Variants in NCF2 observed in about 807,000 individuals in gnomAD.
NCF2 encodes the protein neutrophil cytosolic factor 2.
In NCF2, 45 loss-of-function variants were observed where a neutral mutation model predicts 70.9. The ratio of observed to expected loss-of-function variants is 0.63; its 90% CI spans 0.50 to 0.81. The LOEUF is 0.81. NCF2 is among the 40% of genes least tolerant of loss of function. The pLI is 0.00. For missense variants in NCF2, 522 were observed against 631.6 expected, an observed-to-expected ratio of 0.83 and a Z score of 1.86; for synonymous variants, 203 against 233.6, an observed-to-expected ratio of 0.87 and a Z score of 1.19.
chr1:183,592,186 A>C (rs1673683708), upstream of NCF2, among the ~76,000 whole-genome samples: 1 of 152,232 alleles, frequency 6.6e-6, no homozygotes, highest in African/African-American at 2.4e-5. Flanking sequence ...TAAAAGCCTG[A>C]AAATAAAACT....
chr1:183,560,295 T>C (rs756096640), intron 13 of NCF2, 22 bp from the exon 14 acceptor site: 1 of 1,614,048 alleles, frequency 6.2e-7, no homozygotes, highest in South Asian at 1.1e-5. Flanking sequence ...AAGGGCCTGT[T>C]AATTTTCCCA....
At chr1:183,568,778 C>T (rs1300781002) in intron 7 of NCF2, among the ~76,000 whole-genome samples, 1 of 151,656 alleles carries the variant, frequency 6.6e-6, no homozygotes, top group Non-Finnish European at 1.5e-5. Flanking sequence ...TCCTGGTCCC[C>T]AGGGTAGCTA....
In NCF2 at chr1:183,576,462, G is replaced by A. The variant is rs1572165546; in HGVS notation, c.366+1137C>T. Among the ~76,000 whole-genome samples the A allele has an allele frequency of 2.6e-5, 4 of 152,354 alleles. No homozygotes were observed. The East Asian group carries it at 7.7e-4, about 29-fold the overall frequency. ...TTTAGGTTGTCACATTGGGTGGGGA[G>A]TGGTGGTGGCAGTGCTAGTAGCATC... On this transcript the variant is annotated intron_variant, in intron 3 of 14. Coordinates refer to ENST00000367535, the MANE Select transcript of NCF2 (RefSeq NM_000433.4).
intron 6 of NCF2, among the ~76,000 whole-genome samples, chr1:183,570,393 C>T (rs555195940): frequency 6.6e-6 from 1 of 152,330 alleles, no homozygotes; most frequent in South Asian, 2.1e-4. Context: ...AGGCCCAGGC[C>T]CCACAGGGTT....
At chr1:183,559,037 A>G (rs1347998235) in intron 14 of NCF2, among the ~76,000 whole-genome samples, 1 of 152,194 alleles carries the variant, frequency 6.6e-6, no homozygotes, top group Non-Finnish European at 1.5e-5. Flanking sequence ...GCAAACCACG[A>G]GTTGGAATGG....
intron 2 of NCF2, among the ~76,000 whole-genome samples, chr1:183,581,729 C>T (rs1007534794): frequency 4.6e-5 from 7 of 151,544 alleles, no homozygotes; most frequent in Non-Finnish European, 2.9e-5. Flanking sequence ...AGTGCAGTGG[C>T]GCGATCTCGG....
the NCF2 span, among the ~76,000 whole-genome samples, chr1:183,601,064 AC>A: frequency 2.0e-5 from 3 of 152,262 alleles, no homozygotes; most frequent in Non-Finnish European, 4.4e-5. Context: ...ATTAACAAAT[AC>A]AAAAAATTTT....
Position 183,569,227 on chromosome 1 carries a change from A to G in NCF2, c.670-42T>C, listed in dbSNP as rs774457345. Reference sequence around the variant, plus strand: ...AGAAGTGAAAACGGAAAAGGCAATGAGGGAAAGCAGGGGAGAGACAACAAA... The same window carrying G: ...AGAAGTGAAAACGGAAAAGGCAATGGGGGAAAGCAGGGGAGAGACAACAAA... On this transcript the variant is annotated intron_variant, in intron 6 of 14. Coordinates refer to ENST00000367535, the MANE Select transcript of NCF2 (RefSeq NM_000433.4). 7.0e-6 allele frequency: 11 copies of G among 1,572,162 alleles called. No homozygotes were observed. In the South Asian group the frequency reaches 1.1e-4, roughly 16 times the overall value.
At chr1:183,587,039 C>T (rs1234014578) in intron 1 of NCF2, 62 bp from the exon 2 acceptor site, 13 of 1,463,466 alleles carry the variant, frequency 8.9e-6, no homozygotes, top group Non-Finnish European at 1.2e-5. Context: ...GTGAGATGAG[C>T]CACGGCTCAC....
chr1:183,574,415 A>G, intron 4 of NCF2, 72 bp downstream of exon 4: 1 of 1,607,160 alleles, frequency 6.2e-7, no homozygotes. Flanking sequence ...ATGGCTTCTC[A>G]ATGGCATGTC....
At chr1:183,583,943 A>G (rs1673226155) in intron 2 of NCF2, among the ~76,000 whole-genome samples, 1 of 152,242 alleles carries the variant, frequency 6.6e-6, no homozygotes, top group African/African-American at 2.4e-5. Flanking sequence ...GTGGCTGGAA[A>G]ATCAGTTTGG....
At chr1:183,571,785 T>C (rs1430393562) in intron 5 of NCF2, among the ~76,000 whole-genome samples, 3 of 152,228 alleles carry the variant, frequency 2.0e-5, no homozygotes, top group Non-Finnish European at 2.9e-5. Context: ...CAAGCAGACA[T>C]GGTCTCTGCT....
intron 5 of NCF2, among the ~76,000 whole-genome samples, chr1:183,571,219 G>A (rs1381383221): frequency 2.1e-5 from 3 of 144,262 alleles, no homozygotes; most frequent in Non-Finnish European, 4.5e-5. Context: ...CCAGGTTCAA[G>A]TGATTCTCCT....
chr1:183,560,101 G>C lies in NCF2; in HGVS notation c.1463C>G (p.Ser488Ter). 6.2e-7 allele frequency: 1 copy of C among 1,614,020 alleles called. No homozygotes were observed. Among genetic ancestry groups the C allele is most frequent in the Non-Finnish European group, 8.5e-7 (1 of 1,179,934 alleles). ...FQEGDIILVL[S>*]KVNEEWLEGE... ...AGTCTTGGAGTAGCACTTACCCTTT[G>C]ATAACACCAGGATTATATCCCCTTC... The change falls in exon 14 of 15, where the codon TCA becomes TGA. Residue 488 changes from serine (S) to a stop codon, truncating the protein, a stop_gained. Transcript: ENST00000367535. LOFTEE classifies it high-confidence loss of function.
intron 2 of NCF2, among the ~76,000 whole-genome samples, chr1:183,583,184 C>G (rs1049218335): frequency 3.3e-5 from 5 of 152,148 alleles, no homozygotes; most frequent in African/African-American, 1.2e-4. Context: ...TCCCAAGTAG[C>G]TGGGATTACA....
chr1:183,560,790 A>G (rs1404474789), intron 13 of NCF2, among the ~76,000 whole-genome samples: 1 of 152,274 alleles, frequency 6.6e-6, no homozygotes, highest in Non-Finnish European at 1.5e-5. Context: ...AAGGTCTGCA[A>G]AATCATATAC....
chr1:183,588,433 C>G (rs1673477643), intron 1 of NCF2, among the ~76,000 whole-genome samples: 1 of 149,326 alleles, frequency 6.7e-6, no homozygotes, highest in Admixed American at 6.7e-5. Context: ...CGAGATTGCA[C>G]CACTGCACTC....
chr1:183,581,468 T>TAA (rs1295838138), intron 2 of NCF2, among the ~76,000 whole-genome samples: 4 of 143,130 alleles, frequency 2.8e-5, no homozygotes, highest in Admixed American at 2.8e-4. Context: ...ACCCCTTCTC[T>TAA]AAAAAAAAAA....
Position 183,565,689 on chromosome 1 carries a change from T to G in NCF2, c.1000+15A>C. 2 of 1,611,638 alleles carry G rather than the reference T, an allele frequency of 1.2e-6. No homozygotes were observed. The highest frequency in any genetic ancestry group is 1.7e-6 in the Non-Finnish European group (2 of 1,179,402). On this transcript the variant is annotated intron_variant, in intron 10 of 14. Coordinates refer to ENST00000367535, the MANE Select transcript of NCF2 (RefSeq NM_000433.4). ...GCTGCACCCAGACCTAGGCTGTGGC[T>G]CCAGGACCACTCACCTGGTGACAGC...
Sources: gnomAD v4.1 joint callset for allele counts (sites outside exome capture counted in the v4.1 genomes callset) on GRCh38, gnomAD v4.1.1 for gene constraint, MANE v1.5 for transcripts, NCBI Gene and HGNC (gene_info 2026-07-23, HGNC 2026-07-21) for gene names.